ACVR1C: variants seen among roughly 807,000 people sequenced by gnomAD.
The protein encoded by ACVR1C is activin A receptor type 1C.
ACVR1C carries 23 observed loss-of-function variants against 57.9 expected under a neutral mutation model. The ratio of observed to expected loss-of-function variants is 0.40; its 90% CI spans 0.29 to 0.56. ACVR1C has a LOEUF of 0.56. Among genes scored for constraint, ACVR1C ranks in the 20% least tolerant of loss-of-function variants. The pLI is 0.50. For missense variants in ACVR1C, 480 were observed against 607.9 expected (o/e 0.79, Z 2.21); for synonymous variants, 214 against 215.3 (o/e 0.99, Z 0.05).
intron 1 of ACVR1C, among the ~76,000 whole-genome samples, chr2:157,596,417 C>T (rs1682117824): frequency 6.6e-6 from 1 of 152,146 alleles, no homozygotes; most frequent in Admixed American, 6.5e-5. Context: ...AAATACATCA[C>T]TCCTAATCCC....
chr2:157,568,137 A>T (rs1207128351), intron 2 of ACVR1C, among the ~76,000 whole-genome samples: 4 of 115,986 alleles, frequency 3.4e-5, no homozygotes, highest in Non-Finnish European at 3.6e-5. Flanking sequence ...GGAGAAATAA[A>T]ATACTTTATA....
At chr2:157,540,296 G>C (rs768861005) in intron 7 of ACVR1C, among the ~76,000 whole-genome samples, 1 of 152,182 alleles carries the variant, frequency 6.6e-6, no homozygotes, top group African/African-American at 2.4e-5. Context: ...CTCCACTGAT[G>C]CAACTGTTTC....
At chr2:157,612,180 G>A (rs1403511796) in intron 1 of ACVR1C, among the ~76,000 whole-genome samples, 1 of 152,124 alleles carries the variant, frequency 6.6e-6, no homozygotes, top group African/African-American at 2.4e-5. Flanking sequence ...TTAGGTTCTG[G>A]GTAGCACTTA....
chr2:157,628,656 G>T lies in ACVR1C; in HGVS notation c.-12C>A. On this transcript the variant is annotated 5_prime_UTR_variant, in exon 1 of 9. Coordinates refer to ENST00000243349, the MANE Select transcript of ACVR1C (RefSeq NM_145259.3). ...AGCGCCCGGGTCATCGCCACCAGGC[G>T]GCCGCGCCGGGGCTGCGAGGCCCCA... 1.3e-6 allele frequency: 2 copies of T among 1,558,606 alleles called. No individual in the cohort carries two copies. The highest frequency in any genetic ancestry group is 1.4e-5 in the African/African-American group (1 of 73,116).
chr2:157,612,227 T>C (rs1682550676), intron 1 of ACVR1C, among the ~76,000 whole-genome samples: 1 of 152,046 alleles, frequency 6.6e-6, no homozygotes, highest in African/African-American at 2.4e-5. Context: ...TGCAATGTTT[T>C]GGGGGGTTAG....
At chr2:157,597,713 CA>C (rs1682169920) in intron 1 of ACVR1C, among the ~76,000 whole-genome samples, 1 of 152,194 alleles carries the variant, frequency 6.6e-6, no homozygotes, top group Non-Finnish European at 1.5e-5. Flanking sequence ...TTAAAATAAT[CA>C]TAAAATGTCG....
chr2:157,581,777 T>G (rs1425095378), intron 2 of ACVR1C, among the ~76,000 whole-genome samples: 1 of 152,218 alleles, frequency 6.6e-6, no homozygotes, highest in Non-Finnish European at 1.5e-5. Flanking sequence ...CTCCCGACCT[T>G]TCTTCTACTG....
chr2:157,545,605 T>C (rs1687733965), intron 4 of ACVR1C, among the ~76,000 whole-genome samples: 1 of 152,154 alleles, frequency 6.6e-6, no homozygotes, highest in Non-Finnish European at 1.5e-5. Context: ...ACTGTCAATG[T>C]TGCAAAAGGT....
chr2:157,550,753 T>C (rs987794062), intron 3 of ACVR1C, among the ~76,000 whole-genome samples: 2 of 143,030 alleles, frequency 1.4e-5, no homozygotes, highest in East Asian at 4.1e-4. Context: ...AAAAAAGAAG[T>C]GTTAGCCTCT....
rs1293339611 is a variant in ACVR1C at position 157,556,225 on chromosome 2, C to CCTGG, written c.408_411dup (p.Gly138ProfsTer21). 6.2e-7 allele frequency: 1 copy of CCTGG among 1,614,020 alleles called. No homozygotes were observed. Among genetic ancestry groups the CCTGG allele is most frequent in the Non-Finnish European group, 8.5e-7 (1 of 1,179,996 alleles). Reference sequence around the variant, plus strand: ...TTCTTCCTGTAGGAGCACTGTCGACCCTGGCATGCCCATACTGTCAGCATC... The same window carrying CCTGG: ...TTCTTCCTGTAGGAGCACTGTCGACCCTGGCTGGCATGCCCATACTGTCAGCATC... On this transcript the variant is annotated frameshift_variant, in exon 3 of 9. Coordinates refer to ENST00000243349, the MANE Select transcript of ACVR1C (RefSeq NM_145259.3). LOFTEE classifies it high-confidence loss of function.
chr2:157,612,387 A>C (rs1430736791), intron 1 of ACVR1C, among the ~76,000 whole-genome samples: 1 of 151,736 alleles, frequency 6.6e-6, no homozygotes. Flanking sequence ...GCTGTGTTGC[A>C]GTGGTATGAG....
chr2:157,598,777 G>A (rs1053750611), intron 1 of ACVR1C, among the ~76,000 whole-genome samples: 2 of 151,948 alleles, frequency 1.3e-5, no homozygotes, highest in Non-Finnish European at 2.9e-5. Context: ...GACCTCAAAT[G>A]ATCCACCCAT....
intron 1 of ACVR1C, among the ~76,000 whole-genome samples, chr2:157,603,245 AGCC>A (rs1682320744): frequency 1.3e-5 from 2 of 152,156 alleles, no homozygotes; most frequent in African/African-American, 4.8e-5. Context: ...AAATAAGACT[AGCC>A]TAGCTTGATG....
chr2:157,536,633 G>C (rs1466078036), intron 8 of ACVR1C, among the ~76,000 whole-genome samples: 1 of 151,902 alleles, frequency 6.6e-6, no homozygotes, highest in East Asian at 1.9e-4. Context: ...ACAACCACTA[G>C]GTCTTCTCTA....
chr2:157,597,633 G>A (rs1476787622), intron 1 of ACVR1C: 1 of 936,906 alleles, frequency 1.1e-6, no homozygotes, highest in African/African-American at 1.8e-5. Flanking sequence ...GCAGGAGGCA[G>A]GCTATTTTTT....
Position 157,628,249 on chromosome 2 carries a change from G to T in ACVR1C, c.73+323C>A, listed in dbSNP as rs552292347. ...CCCAGCCATGCGCGCACCCACAAAC[G>T]CTCTCCTATTTTCTCCGCTGCAAAC... On this transcript the variant is annotated intron_variant, in intron 1 of 8. Coordinates refer to ENST00000243349, the MANE Select transcript of ACVR1C (RefSeq NM_145259.3). 2.6e-5 allele frequency among the ~76,000 whole-genome samples: 4 copies of T among 152,060 alleles called. No individual in the cohort carries two copies. In the South Asian group the frequency reaches 8.3e-4, roughly 32 times the overall value.
chr2:157,586,136 G>C (rs1688916137), intron 2 of ACVR1C, among the ~76,000 whole-genome samples: 1 of 151,918 alleles, frequency 6.6e-6, no homozygotes, highest in Admixed American at 6.6e-5. Flanking sequence ...TTTTAAAAAA[G>C]AGAAAATGCA....
At chr2:157,597,610 A>G (rs1020950717) in intron 1 of ACVR1C, 1 of 978,640 alleles carries the variant, frequency 1.0e-6, no homozygotes, top group African/African-American at 1.8e-5. Context: ...GGTACCATCT[A>G]GTGGCAGCAG....
intron 8 of ACVR1C, among the ~76,000 whole-genome samples, chr2:157,537,928 G>A (rs1429304218): frequency 1.3e-5 from 2 of 152,130 alleles, no homozygotes; most frequent in Non-Finnish European, 2.9e-5. Context: ...AAATAACAAT[G>A]GAGTCTCTGA....
Sources: allele counts gnomAD v4.1 joint callset (sites outside exome capture counted in the v4.1 genomes callset), GRCh38; gene constraint gnomAD v4.1.1; transcripts MANE v1.5; gene names NCBI Gene and HGNC (gene_info 2026-07-23, HGNC 2026-07-21).